Variants in ARF1 observed in about 807,000 individuals in gnomAD.
ARF1 encodes ADP-ribosylation factor 1.
A neutral mutation model predicts 18.0 loss-of-function variants in ARF1; 1 was observed. The ratio of observed to expected loss-of-function variants is 0.06; its 90% CI spans 0.02 to 0.26. The LOEUF is 0.26. ARF1 is among the 10% of genes least tolerant of loss of function. The pLI is 1.00. For synonymous variants in ARF1, 112 were observed against 96.3 expected (o/e 1.16, Z -0.95); for missense variants, 73 against 247.2 (o/e 0.30, Z 4.73).
intron 1 of ARF1, among the ~76,000 whole-genome samples, chr1:228,091,496 G>C (rs1310049189): frequency 6.6e-6 from 1 of 152,162 alleles, no homozygotes. Flanking sequence ...ATGCAGCCCA[G>C]AATAAGAGTT....
chr1:228,085,870 A>G (rs1558083074), intron 1 of ARF1, among the ~76,000 whole-genome samples: 1 of 152,236 alleles, frequency 6.6e-6, no homozygotes, highest in African/African-American at 2.4e-5. Flanking sequence ...TGCAAAATAC[A>G]TATCTGGCCT....
At chr1:228,096,443 C>G (rs2124855804) in intron 1 of ARF1, 1 of 152,422 alleles carries the variant, frequency 6.6e-6, no homozygotes, top group South Asian at 2.1e-4. Flanking sequence ...ACTTCAGTGT[C>G]CTCACAGAGG....
rs1036983037 is a variant in ARF1, at chr1:228,089,018, C to T, written c.-38+6253C>T. Among the ~76,000 whole-genome samples the T allele has an allele frequency of 2.0e-5, 3 of 152,100 alleles. No homozygotes were observed. Among genetic ancestry groups the T allele is most frequent in the African/African-American group, 4.8e-5 (2 of 41,390 alleles). The stretch of plus-strand genomic sequence containing the variant: ...CTGGCTGACTGGTGTGCTGAGAACA[C>T]GCAGGAGGAGGCTGGAGACGGGGTT... On this transcript the variant is annotated intron_variant, in intron 1 of 4. Transcript: ENST00000272102. The surrounding 1 kb of genome is among the most constrained non-coding windows in gnomAD (Gnocchi z 4.1).
rs1228592161 is a variant in ARF1 at position 228,097,068 on chromosome 1, G to A, written c.-37-10G>A. 2 of 1,551,658 alleles carry A rather than the reference G, an allele frequency of 1.3e-6. No individual in the cohort carries two copies. Among genetic ancestry groups the A allele is most frequent in the African/African-American group, 2.7e-5 (2 of 73,310 alleles). ...CACAGAACCAGACATGGAGCACCTT[G>A]TCTCTCCAGGTGTCCCTGGCCAGTG... On this transcript the variant is annotated splice_polypyrimidine_tract_variant and intron_variant, in intron 1 of 4. Transcript: ENST00000272102. The surrounding 1 kb of genome is among the most constrained non-coding windows in gnomAD (Gnocchi z 8.1).
chr1:228,093,032 G>T (rs774071919), intron 1 of ARF1, among the ~76,000 whole-genome samples: 5 of 152,044 alleles, frequency 3.3e-5, no homozygotes, highest in Non-Finnish European at 7.4e-5. Context: ...CTCAGAGTTG[G>T]AGCCCACAGC....
chr1:228,089,810 A>G lies in ARF1; in HGVS notation c.-38+7045A>G, dbSNP rs2032519212. ...GGCCCTGGATCCCCCAGCCCCACAC[A>G]ATGGTGGGCCTATGTTCGTCCAGAA... On this transcript the variant is annotated intron_variant, in intron 1 of 4. Coordinates refer to ENST00000272102, the MANE Select transcript of ARF1 (RefSeq NM_001658.4). The surrounding 1 kb of genome is among the most constrained non-coding windows in gnomAD (Gnocchi z 4.1). Among the ~76,000 whole-genome samples, 1 of 151,958 alleles carries G rather than the reference A, an allele frequency of 6.6e-6. No individual in the cohort carries two copies. Among genetic ancestry groups the G allele is most frequent in the Non-Finnish European group, 1.5e-5 (1 of 67,974 alleles).
intron 1 of ARF1, among the ~76,000 whole-genome samples, chr1:228,095,041 C>G (rs983224742): frequency 6.6e-6 from 1 of 152,214 alleles, no homozygotes; most frequent in African/African-American, 2.4e-5. Context: ...TGGTTGATAT[C>G]TTAAGTTACT....
chr1:228,086,741 C>G (rs917249004), intron 1 of ARF1, among the ~76,000 whole-genome samples: 1 of 152,094 alleles, frequency 6.6e-6, no homozygotes. Context: ...TATGAAAAAC[C>G]AGTAACCTTT....
At position 228,099,130 on chromosome 1, in the gene ARF1, T is replaced by G. The variant is rs2032865873; in HGVS notation, c.*1117T>G. The G allele has an allele frequency of 6.5e-6, 1 of 152,702 alleles. No homozygotes were observed. The highest frequency in any genetic ancestry group is 2.1e-4 in the South Asian group (1 of 4,836). The allele number at this position is 152,702 out of a possible 1,614,324, so 9.5% of individuals were successfully genotyped here. On this transcript the variant is annotated 3_prime_UTR_variant, in exon 5 of 5. Coordinates refer to ENST00000272102, the MANE Select transcript of ARF1 (RefSeq NM_001658.4). ...CAATACACGATTAGTAATCAACTGT[T>G]TTGTATACTTGTTTTCAGTTTTCAT...
intron 1 of ARF1, among the ~76,000 whole-genome samples, chr1:228,092,015 T>C (rs915000529): frequency 2.0e-5 from 3 of 152,230 alleles, no homozygotes; most frequent in Non-Finnish European, 2.9e-5. Context: ...TAAAATGTTA[T>C]GTAATGTACA....
rs893469185 is a variant in ARF1, at chr1:228,084,105, G to A, written c.-38+1340G>A. Among the ~76,000 whole-genome samples the A allele has an allele frequency of 5.9e-5, 9 of 152,234 alleles. No homozygotes were observed. In the South Asian group the frequency reaches 1.0e-3, roughly 17 times the overall value. On this transcript the variant is annotated intron_variant, in intron 1 of 4. Coordinates refer to ENST00000272102, the MANE Select transcript of ARF1 (RefSeq NM_001658.4). ...GTGTGAGATGCCGCGGTGCAGTTGT[G>A]TGCGGCCCCTGTGGCCCTCTGCTGT...
In ARF1 at chr1:228,095,897, C is replaced by G. The variant is rs565745827; in HGVS notation, c.-37-1181C>G. On this transcript the variant is annotated intron_variant, in intron 1 of 4. Transcript: ENST00000272102. ...AAAAAGGGAACACTACAGTGAAGGT[C>G]CTTATAAATTTCAGAACTCATTTAA... 9.9e-5 allele frequency among the ~76,000 whole-genome samples: 15 copies of G among 152,282 alleles called. No homozygotes were observed. The South Asian group carries it at 2.7e-3, about 27-fold the overall frequency.
At chr1:228,084,582 C>G (rs1386735277) in intron 1 of ARF1, among the ~76,000 whole-genome samples, 1 of 152,216 alleles carries the variant, frequency 6.6e-6, no homozygotes, top group Non-Finnish European at 1.5e-5. Flanking sequence ...ATCATGTGGT[C>G]TAGCTATGGG....
chr1:228,092,066 C>T (rs934292274), intron 1 of ARF1, among the ~76,000 whole-genome samples: 1 of 152,162 alleles, frequency 6.6e-6, no homozygotes, highest in Non-Finnish European at 1.5e-5. Flanking sequence ...TCAGTTTCCT[C>T]AGATTAGATA....
chr1:228,087,189 A>C (rs1228938942), intron 1 of ARF1, among the ~76,000 whole-genome samples: 2 of 152,230 alleles, frequency 1.3e-5, no homozygotes, highest in African/African-American at 2.4e-5. Flanking sequence ...GCTAGACATG[A>C]GACATCTTTC....
In ARF1 at chr1:228,086,289, G is replaced by A. The variant is rs145061958; in HGVS notation, c.-38+3524G>A. Reference sequence around the variant, plus strand: ...CCAGCACTTTGGGAGGCTGAGGCGGGTGGATCATGAGGTCAGGAGATTGAG... The same window carrying A: ...CCAGCACTTTGGGAGGCTGAGGCGGATGGATCATGAGGTCAGGAGATTGAG... On this transcript the variant is annotated intron_variant, in intron 1 of 4. Transcript: ENST00000272102. 3.6e-3 allele frequency among the ~76,000 whole-genome samples: 550 copies of A among 152,254 alleles called. 10 individuals are homozygous for A. The highest frequency in any genetic ancestry group is 0.03 in the East Asian group (156 of 5,188).
chr1:228,098,056 C>T lies in ARF1; in HGVS notation c.*43C>T, dbSNP rs1271853169. 3 of 1,570,330 alleles carry T rather than the reference C, an allele frequency of 1.9e-6. No homozygotes were observed. Among genetic ancestry groups the T allele is most frequent in the Admixed American group, 3.6e-5 (2 of 55,890 alleles). ...CTCACTCCTCTTGCCCTCTGCTTTA[C>T]TCTCATGTGGCAAACGTGCGGCTCG... On this transcript the variant is annotated 3_prime_UTR_variant, in exon 5 of 5. Coordinates refer to ENST00000272102, the MANE Select transcript of ARF1 (RefSeq NM_001658.4).
intron 1 of ARF1, chr1:228,083,608 A>C (rs2032293999): frequency 6.6e-6 from 1 of 152,256 alleles, no homozygotes; most frequent in South Asian, 2.1e-4. Context: ...GTAGATAAGA[A>C]GGCCTCTTCT....
chr1:228,090,543 G>A (rs2032545529), intron 1 of ARF1: 1 of 152,346 alleles, frequency 6.6e-6, no homozygotes, highest in African/African-American at 2.4e-5. Context: ...GAGTTTCAGT[G>A]TTGGGGGCTA....
Sources: gnomAD v4.1 joint callset for allele counts (sites outside exome capture counted in the v4.1 genomes callset) on GRCh38, gnomAD v4.1.1 for gene constraint, Gnocchi (gnomAD v3.1) non-coding constraint, MANE v1.5 for transcripts, NCBI Gene and HGNC (gene_info 2026-07-23, HGNC 2026-07-21) for gene names.